The following PRKN variants were observed in gnomAD, a reference collection of about 807,000 sequenced individuals.
PRKN encodes the protein E3 ubiquitin-protein ligase parkin.
A neutral mutation model predicts 59.5 loss-of-function variants in PRKN; 56 were observed. The observed-to-expected ratio is 0.94, with a 90% CI of 0.76 to 1.18. The LOEUF (loss-of-function observed/expected upper bound fraction) is 1.18, where lower values mean the gene tolerates loss of function less well. Among genes scored for constraint, PRKN ranks in the 50% most tolerant of loss-of-function variants. The probability of loss-of-function intolerance (pLI) is 0.00; values close to 1 mark genes in which losing one functional copy is unlikely to be tolerated. For synonymous variants in PRKN, 250 were observed against 222.1 expected, an observed-to-expected ratio of 1.13 and a Z score of -1.12; for missense variants, 657 against 596.4, an observed-to-expected ratio of 1.10 and a Z score of -1.06.
At chr6:162,308,434 A>T (rs1294010303) in intron 2 of PRKN, among the ~76,000 whole-genome samples, 1 of 152,164 alleles carries the variant, frequency 6.6e-6, no homozygotes, top group East Asian at 1.9e-4. Flanking sequence ...AGCTTTAGAT[A>T]AGACACTCAA....
intron 7 of PRKN, among the ~76,000 whole-genome samples, chr6:161,748,420 A>T (rs7750085): frequency 0.4 from 61,032 of 151,428 alleles, 12,585 homozygotes; most frequent in Middle Eastern, 0.47. Context: ...AACTGCCCTA[A>T]GCTCCCAGAG....
At chr6:161,946,414 A>ACACACACACACACT (rs1247187053) in intron 6 of PRKN, among the ~76,000 whole-genome samples, 1,815 of 114,374 alleles carry the variant, frequency 0.016, 22 homozygotes, top group South Asian at 0.029. Context: ...ACACACACAC[A>ACACACACACACACT]CTCTCTCTCT....
intron 9 of PRKN, among the ~76,000 whole-genome samples, chr6:161,477,066 A>C (rs938621328): frequency 6.6e-6 from 1 of 152,256 alleles, no homozygotes; most frequent in African/African-American, 2.4e-5. Flanking sequence ...AAAAGCCAAC[A>C]GCACTTAACT....
Sources: allele counts gnomAD v4.1 joint callset (sites outside exome capture counted in the v4.1 genomes callset), GRCh38; gene constraint gnomAD v4.1.1; transcripts MANE v1.5; gene names NCBI Gene and HGNC (gene_info 2026-07-23, HGNC 2026-07-21).